The following SLC25A37 variants were observed in gnomAD, a reference collection of about 807,000 sequenced individuals.
SLC25A37 encodes solute carrier family 25 member 37.
SLC25A37 carries 17 observed loss-of-function variants against 31.0 expected under a neutral mutation model. The observed-to-expected ratio is 0.55, with a 90% CI of 0.38 to 0.82. SLC25A37 has a LOEUF of 0.82. Among genes scored for constraint, SLC25A37 ranks in the 40% least tolerant of loss-of-function variants. The probability of loss-of-function intolerance (pLI) is 0.00; values close to 1 mark genes in which losing one functional copy is unlikely to be tolerated. For missense variants in SLC25A37, 404 were observed against 465.8 expected (o/e 0.87, Z 1.22); for synonymous variants, 222 against 193.0 (o/e 1.15, Z -1.24).
rs1425918756 is a variant in SLC25A37, at chr8:23,571,753, T to A, written c.915T>A (p.Arg305=). The A allele has an allele frequency of 6.2e-7, 1 of 1,614,046 alleles. No individual in the cohort carries two copies. Among genetic ancestry groups the A allele is most frequent in the East Asian group, 2.2e-5 (1 of 44,888 alleles). The change falls in exon 4 of 4, where the codon CGT becomes CGA. Residue 305 remains arginine (R), a synonymous_variant. Coordinates refer to ENST00000519973, the MANE Select transcript of SLC25A37 (RefSeq NM_016612.4). ...GCTACTTCAAAGGCATCCAGGCGCG[T>A]GTCATCTACCAGATGCCCTCCACCG... ...LAGYFKGIQA[R]VIYQMPSTAI... is the part of the protein sequence containing the mutation.
rs186551676 is a variant in SLC25A37, at chr8:23,561,064, G to A, written c.211-5044G>A. ...ATGGTCTTGCACTCAGTAAATCTAC[G>A]TTTTACATAAGATAAAGTAAGCTTA... On this transcript the variant is annotated intron_variant, in intron 1 of 3. Coordinates refer to ENST00000519973, the MANE Select transcript of SLC25A37 (RefSeq NM_016612.4). Among the ~76,000 whole-genome samples, 8 of 152,274 alleles carry A rather than the reference G, an allele frequency of 5.3e-5. No individual in the cohort carries two copies. The East Asian group carries it at 5.8e-4, about 11-fold the overall frequency.
At chr8:23,563,621 G>A (rs6985072) in intron 1 of SLC25A37, among the ~76,000 whole-genome samples, 7,810 of 152,252 alleles carry the variant, frequency 0.051, 624 homozygotes, top group African/African-American at 0.18. Flanking sequence ...AGCTGCCTTG[G>A]GCTGGGCCAG....
Position 23,571,516 on chromosome 8 carries a change from C to A in SLC25A37, c.678C>A (p.Val226=). 1 of 1,613,964 alleles carries A rather than the reference C, an allele frequency of 6.2e-7. No individual in the cohort carries two copies. The highest frequency in any genetic ancestry group is 8.5e-7 in the Non-Finnish European group (1 of 1,179,856). Residue 226 remains valine, a synonymous_variant, in exon 4 of 4, where the codon GTC becomes GTA. Transcript: ENST00000519973. The stretch of plus-strand genomic sequence containing the variant: ...CCTATGAGTTCCTGCAGGAGCAGGT[C>A]AACCCCCACCGGACCTACAACCCGC... ...FITYEFLQEQ[V]NPHRTYNPQS...
intron 2 of SLC25A37, chr8:23,568,116 G>A (rs1193310219): frequency 4.6e-6 from 3 of 657,496 alleles, no homozygotes; most frequent in Non-Finnish European, 8.4e-6. Context: ...AAATGTGGTT[G>A]AGTGTGCCTA....
At chr8:23,558,004 T>G (rs1324407054) in intron 1 of SLC25A37, among the ~76,000 whole-genome samples, 1 of 152,210 alleles carries the variant, frequency 6.6e-6, no homozygotes, top group South Asian at 2.1e-4. Flanking sequence ...GCTCATGGTA[T>G]CACAGTGCTT....
intron 3 of SLC25A37, among the ~76,000 whole-genome samples, chr8:23,569,483 C>G (rs1183815684): frequency 6.6e-6 from 1 of 152,040 alleles, no homozygotes. Flanking sequence ...GTATGGGGAA[C>G]CCATCAGAGG....
At chr8:23,542,983 A>G (rs1328596214) in intron 1 of SLC25A37, 1 of 152,302 alleles carries the variant, frequency 6.6e-6, no homozygotes, top group African/African-American at 2.4e-5. Flanking sequence ...TTTTAAGCCA[A>G]GTGTTATTAC....
chr8:23,544,309 T>C (rs1273773089), intron 1 of SLC25A37, among the ~76,000 whole-genome samples: 1 of 152,196 alleles, frequency 6.6e-6, no homozygotes, highest in Non-Finnish European at 1.5e-5. Context: ...GTGCGGTAGC[T>C]ATCCCCTCTC....
intron 1 of SLC25A37, among the ~76,000 whole-genome samples, chr8:23,560,645 T>C (rs1330031563): frequency 1.3e-5 from 2 of 152,228 alleles, no homozygotes; most frequent in Non-Finnish European, 2.9e-5. Context: ...ACCAGGCCCA[T>C]CTCTGCGCTT....
intron 1 of SLC25A37, among the ~76,000 whole-genome samples, chr8:23,547,999 G>T (rs567305822): frequency 1.3e-5 from 2 of 152,082 alleles, no homozygotes; most frequent in Non-Finnish European, 2.9e-5. Flanking sequence ...AGGTCACCCC[G>T]CACTGCCAGC....
At chr8:23,563,617 C>T (rs1227982089) in intron 1 of SLC25A37, among the ~76,000 whole-genome samples, 1 of 152,182 alleles carries the variant, frequency 6.6e-6, no homozygotes, top group Non-Finnish European at 1.5e-5. Flanking sequence ...TGGCAGCTGC[C>T]TTGGGCTGGG....
chr8:23,551,757 G>T (rs1015168943), intron 1 of SLC25A37, among the ~76,000 whole-genome samples: 2 of 152,144 alleles, frequency 1.3e-5, no homozygotes. Context: ...GACACACATT[G>T]AGGAGGAAGC....
chr8:23,569,408 C>G (rs933141222), intron 3 of SLC25A37, among the ~76,000 whole-genome samples: 143 of 147,466 alleles, frequency 9.7e-4, no homozygotes, highest in African/African-American at 3.4e-3. Context: ...TGCATACACA[C>G]ACACACACAC....
intron 1 of SLC25A37, among the ~76,000 whole-genome samples, chr8:23,532,695 C>G (rs1330705700): frequency 6.6e-6 from 1 of 152,214 alleles, no homozygotes; most frequent in Non-Finnish European, 1.5e-5. Flanking sequence ...AGCCCTCCTT[C>G]CCAGGTTGGT....
chr8:23,542,607 G>T (rs1459484006), intron 1 of SLC25A37, among the ~76,000 whole-genome samples: 1 of 151,204 alleles, frequency 6.6e-6, no homozygotes, highest in African/African-American at 2.4e-5. Flanking sequence ...ACCAACTCCT[G>T]ACCTCAGGTG....
At chr8:23,547,979 G>A (rs1057325551) in intron 1 of SLC25A37, among the ~76,000 whole-genome samples, 7 of 152,042 alleles carry the variant, frequency 4.6e-5, no homozygotes, top group African/African-American at 9.7e-5. Flanking sequence ...GGGGTCAGCC[G>A]GCATGGCCAA....
In SLC25A37 at chr8:23,572,962, T is replaced by G. The variant is rs1425038647; in HGVS notation, c.*1107T>G. The G allele has an allele frequency of 6.6e-6, 1 of 152,296 alleles. No individual in the cohort carries two copies. Among genetic ancestry groups the G allele is most frequent in the African/African-American group, 2.4e-5 (1 of 41,454 alleles). 9.4% of individuals were successfully genotyped at this position (152,296 alleles called of 1,614,324 possible). A position where few individuals can be genotyped will look rare whatever the true frequency, so the allele number is the denominator to read the frequency against. ...AATCCTACCTTCATCCTAGGACTTATTTCTGCATCAGCCTTTTAACTCAGG... is the reference window on the plus strand; with the variant it reads ...AATCCTACCTTCATCCTAGGACTTAGTTCTGCATCAGCCTTTTAACTCAGG... On this transcript the variant is annotated 3_prime_UTR_variant, in exon 4 of 4. Transcript: ENST00000519973.
rs752985686 is a variant in SLC25A37 at position 23,566,313 on chromosome 8, A to G, written c.416A>G (p.Gln139Arg). The part of the protein sequence containing the change: ...KRTLNDVFHH[Q>R]GNSHLANGIA... The stretch of plus-strand genomic sequence containing the variant: ...ACTTTAAATGACGTTTTCCACCACC[A>G]AGGAAACAGCCACCTAGCCAACGGT... The change falls in exon 2 of 4, where the codon CAA becomes CGA. Residue 139 changes from glutamine to arginine, a missense_variant. Physicochemically the swap from Gln to Arg is conservative, Grantham distance 43. Coordinates refer to ENST00000519973, the MANE Select transcript of SLC25A37 (RefSeq NM_016612.4). The G allele has an allele frequency of 3.8e-6, 6 of 1,591,390 alleles. No individual in the cohort carries two copies. The highest frequency in any genetic ancestry group is 1.8e-5 in the Admixed American group (1 of 54,130).
rs1585436620 is a variant in SLC25A37, at chr8:23,529,017, C to T, written c.15C>T (p.Ser5=). 5.9e-6 allele frequency: 9 copies of T among 1,532,534 alleles called. No individual in the cohort carries two copies. The highest frequency in any genetic ancestry group is 2.6e-5 in the East Asian group (1 of 39,172). 94.9% of individuals were successfully genotyped at this position (1,532,534 alleles called of 1,614,324 possible). ...CGAGCTGGCGGATGGAGCTGCGCAGCGGGAGCGTGGGCAGCCAGGCGGTGG... is the reference window on the plus strand; with the variant it reads ...CGAGCTGGCGGATGGAGCTGCGCAGTGGGAGCGTGGGCAGCCAGGCGGTGG... MELR[S]GSVGSQAVAR... Residue 5 remains serine, a synonymous_variant, in exon 1 of 4, where the codon AGC becomes AGT. Transcript: ENST00000519973. The surrounding 1 kb of genome is among the most constrained non-coding windows in gnomAD (Gnocchi z 4.1).
Sources: gnomAD v4.1 joint callset for allele counts (sites outside exome capture counted in the v4.1 genomes callset) on GRCh38, gnomAD v4.1.1 for gene constraint, Gnocchi (gnomAD v3.1) non-coding constraint, MANE v1.5 for transcripts, NCBI Gene and HGNC (gene_info 2026-07-23, HGNC 2026-07-21) for gene names.